The following CNTN6 variants were observed in gnomAD, a reference collection of about 807,000 sequenced individuals.
CNTN6 encodes contactin-6.
In CNTN6, 137 loss-of-function variants were observed where a neutral mutation model predicts 122.8. The ratio of observed to expected loss-of-function variants is 1.12; its 90% CI spans 0.97 to 1.29. The LOEUF (loss-of-function observed/expected upper bound fraction) is 1.29. Ranked by LOEUF, CNTN6 falls within the 50% of genes most tolerant of loss-of-function variation. The pLI, the probability that CNTN6 is intolerant of heterozygous loss-of-function variation, is 0.00. For missense variants in CNTN6, 1,634 were observed against 1,223.4 expected (o/e 1.34, Z -5.01); for synonymous variants, 570 against 426.0 (o/e 1.34, Z -4.16).
chr3:1,237,093 AAAG>A (rs1477676574), intron 4 of CNTN6, among the ~76,000 whole-genome samples: 1 of 152,082 alleles, frequency 6.6e-6, no homozygotes, highest in Admixed American at 6.5e-5. Flanking sequence ...AAAGAAAAAA[AAAG>A]AAGCCACCAA....
At chr3:1,242,701 G>A (rs2094502635) in intron 4 of CNTN6, among the ~76,000 whole-genome samples, 1 of 152,160 alleles carries the variant, frequency 6.6e-6, no homozygotes, top group Non-Finnish European at 1.5e-5. Context: ...TTGGGTTGGG[G>A]AGAAGGGCGG....
chr3:1,356,079 T>C (rs1001709354), intron 12 of CNTN6, among the ~76,000 whole-genome samples: 1 of 151,692 alleles, frequency 6.6e-6, no homozygotes, highest in African/African-American at 2.4e-5. Flanking sequence ...GAAAGAGAGT[T>C]TACGTGTTTT....
At chr3:1,124,485 C>G (rs2092083821) in intron 1 of CNTN6, among the ~76,000 whole-genome samples, 1 of 151,754 alleles carries the variant, frequency 6.6e-6, no homozygotes, top group African/African-American at 2.4e-5. Flanking sequence ...TTTTTCTAAT[C>G]CGAACATCCT....
chr3:1,324,974 A>T (rs1454044613), intron 8 of CNTN6, among the ~76,000 whole-genome samples: 1 of 151,580 alleles, frequency 6.6e-6, no homozygotes, highest in African/African-American at 2.4e-5. Flanking sequence ...GAAGCGTCAT[A>T]TACTTCTGTA....
At chr3:1,165,416 G>A (rs1051381447) in intron 2 of CNTN6, among the ~76,000 whole-genome samples, 13 of 152,048 alleles carry the variant, frequency 8.5e-5, no homozygotes, top group African/African-American at 2.7e-4. Flanking sequence ...TGGATCAAAC[G>A]CTTCAAGTGC....
intron 2 of CNTN6, among the ~76,000 whole-genome samples, chr3:1,214,294 T>A: frequency 7.0e-6 from 1 of 143,668 alleles, no homozygotes. Context: ...ATGTGTTTGT[T>A]GGATGTCTTT....
intron 4 of CNTN6, among the ~76,000 whole-genome samples, chr3:1,243,396 T>G (rs2094515561): frequency 6.6e-6 from 1 of 152,018 alleles, no homozygotes; most frequent in African/African-American, 2.4e-5. Flanking sequence ...AATTGCAACT[T>G]TTTTCTATTA....
chr3:1,309,476 A>G (rs149776262), intron 7 of CNTN6, among the ~76,000 whole-genome samples: 5 of 152,136 alleles, frequency 3.3e-5, no homozygotes, highest in South Asian at 2.1e-4. Context: ...CTTTTGTTCC[A>G]TTGCTCTGTC....
chr3:1,317,474 G>A (rs186807515), intron 7 of CNTN6, among the ~76,000 whole-genome samples: 59 of 151,882 alleles, frequency 3.9e-4, no homozygotes, highest in Non-Finnish European at 7.2e-4. Flanking sequence ...CAAAAAGGTT[G>A]ATGCTTGTTT....
chr3:1,338,452 C>G (rs951507866), intron 11 of CNTN6, among the ~76,000 whole-genome samples: 2 of 152,106 alleles, frequency 1.3e-5, no homozygotes, highest in Admixed American at 6.5e-5. Context: ...TTGAATACCA[C>G]CTAGAGGAGC....
At chr3:1,374,968 C>T (rs1381948825) in intron 16 of CNTN6, among the ~76,000 whole-genome samples, 1 of 152,004 alleles carries the variant, frequency 6.6e-6, no homozygotes, top group African/African-American at 2.4e-5. Context: ...CTTTGTTTTA[C>T]AGAAGAGGAA....
intron 2 of CNTN6, among the ~76,000 whole-genome samples, chr3:1,177,023 A>C (rs972881950): frequency 6.6e-6 from 1 of 152,188 alleles, no homozygotes; most frequent in African/African-American, 2.4e-5. Context: ...AAAGCATAGA[A>C]TATTACTCAT....
intron 2 of CNTN6, among the ~76,000 whole-genome samples, chr3:1,215,817 T>G (rs2125499383): frequency 6.6e-6 from 1 of 152,032 alleles, no homozygotes; most frequent in Non-Finnish European, 1.5e-5. Context: ...TGAATTTTAT[T>G]TTTATTATAT....
chr3:1,161,720 A>G (rs2093136212), intron 2 of CNTN6, among the ~76,000 whole-genome samples: 1 of 151,448 alleles, frequency 6.6e-6, no homozygotes, highest in African/African-American at 2.4e-5. Context: ...GTAGAGAAGT[A>G]AGTACCAAGA....
At chr3:1,355,687 G>A (rs1283694370) in intron 12 of CNTN6, among the ~76,000 whole-genome samples, 1 of 151,664 alleles carries the variant, frequency 6.6e-6, no homozygotes, top group African/African-American at 2.4e-5. Flanking sequence ...TCAGTGTATA[G>A]TGACCTTAAG....
chr3:1,283,585 A>T (rs1216020056), intron 5 of CNTN6, among the ~76,000 whole-genome samples: 1 of 152,250 alleles, frequency 6.6e-6, no homozygotes, highest in Non-Finnish European at 1.5e-5. Flanking sequence ...AATCTTATTT[A>T]AAAATGACAG....
intron 2 of CNTN6, among the ~76,000 whole-genome samples, chr3:1,174,539 C>T (rs1445276976): frequency 6.6e-6 from 1 of 152,192 alleles, no homozygotes. Context: ...ATGGAAATGA[C>T]AGCCACTGAA....
At chr3:1,203,804 C>T (rs2093919136) in intron 2 of CNTN6, among the ~76,000 whole-genome samples, 1 of 152,174 alleles carries the variant, frequency 6.6e-6, no homozygotes, top group Non-Finnish European at 1.5e-5. Flanking sequence ...TGCATAATAA[C>T]ATTTTGGTCA....
At position 1,192,023 on chromosome 3, in the gene CNTN6, C is replaced by T. The variant is rs73816816; in HGVS notation, c.56-28664C>T. 3.5e-3 allele frequency among the ~76,000 whole-genome samples: 527 copies of T among 152,198 alleles called. 3 individuals carry two copies. The highest frequency in any genetic ancestry group is 0.012 in the African/African-American group (501 of 41,530). Reference sequence around the variant, plus strand: ...ACACCTACCTACTTTATTGCGGTGCCGTGCTCTAGTATTTAGTCTGTATCT... The same window carrying T: ...ACACCTACCTACTTTATTGCGGTGCTGTGCTCTAGTATTTAGTCTGTATCT... On this transcript the variant is annotated intron_variant, in intron 2 of 22. Coordinates refer to ENST00000446702, the MANE Select transcript of CNTN6 (RefSeq NM_001289080.2).
Sources: allele counts gnomAD v4.1 joint callset (sites outside exome capture counted in the v4.1 genomes callset), GRCh38; gene constraint gnomAD v4.1.1; transcripts MANE v1.5; gene names NCBI Gene and HGNC (gene_info 2026-07-23, HGNC 2026-07-21).